The following MMEL1 variants were observed in gnomAD, a reference collection of about 807,000 sequenced individuals.
MMEL1 encodes membrane metallo-endopeptidase-like 1.
In MMEL1, 98 loss-of-function variants were observed where a neutral mutation model predicts 117.1. The ratio of observed to expected loss-of-function variants is 0.84; its 90% CI spans 0.71 to 0.99. The LOEUF (loss-of-function observed/expected upper bound fraction) is 0.99. MMEL1 is among the 50% of genes least tolerant of loss of function. The pLI is 0.00. For synonymous variants in MMEL1, 390 were observed against 415.1 expected (o/e 0.94, Z 0.74); for missense variants, 1,014 against 1,049.1 (o/e 0.97, Z 0.46).
intron 8 of MMEL1, among the ~76,000 whole-genome samples, 179 bp downstream of exon 8, chr1:2,606,069 G>C (rs1160949694): frequency 1.3e-5 from 2 of 152,140 alleles, no homozygotes; most frequent in African/African-American, 4.8e-5. Context: ...AGGCCCAACA[G>C]AAACTCCAGC....
chr1:2,623,051 C>A (rs1645314297), intron 2 of MMEL1, among the ~76,000 whole-genome samples: 1 of 151,958 alleles, frequency 6.6e-6, no homozygotes, highest in African/African-American at 2.4e-5. Flanking sequence ...CACCTGTAGT[C>A]CCAGCTACTC....
At position 2,591,610 on chromosome 1, in the gene MMEL1, G is replaced by C. The variant is rs763441830; in HGVS notation, c.2187C>G (p.Pro729=). ...TCTTGATGGATTGGATGGCGAACTC[G>C]GGCCGGTAGGACCCGCACCACACCT... ...YAQVWCGSYR[P]EFAIQSIKTD... The change falls in exon 23 of 24, where the codon CCC becomes CCG. Residue 729 remains proline (P), a synonymous_variant. Transcript: ENST00000378412. The C allele has an allele frequency of 4.0e-5, 65 of 1,613,440 alleles. No individual in the cohort carries two copies. The Middle Eastern group carries it at 4.9e-4, about 12-fold the overall frequency.
intron 2 of MMEL1, among the ~76,000 whole-genome samples, chr1:2,626,810 A>G (rs901712038): frequency 6.6e-6 from 1 of 152,270 alleles, no homozygotes; most frequent in African/African-American, 2.4e-5. Context: ...TAGTTGAGGG[A>G]AAATAGAGGA....
At chr1:2,596,289 G>T (rs1417678569) in intron 14 of MMEL1, among the ~76,000 whole-genome samples, 182 bp from the exon 15 acceptor site, 2 of 152,126 alleles carry the variant, frequency 1.3e-5, no homozygotes, top group Admixed American at 6.5e-5. Flanking sequence ...CAACTTCAGG[G>T]TCCTCCCTGC....
chr1:2,606,317 G>A lies in MMEL1; in HGVS notation c.681C>T (p.Phe227=), dbSNP rs766941834. The A allele has an allele frequency of 8.7e-6, 14 of 1,612,796 alleles. No individual in the cohort carries two copies. Among genetic ancestry groups the A allele is most frequent in the East Asian group, 2.2e-5 (1 of 44,894 alleles). The change falls in exon 8 of 24, where the codon TTC becomes TTT. Residue 227 remains phenylalanine (F), a synonymous_variant. Transcript: ENST00000378412. ...AGAGGTCGATGAGGACGCGCCTGTT[G>A]AACTGTGAGTTCATCAGCGCCAGCT... is the stretch of plus-strand genomic sequence containing the variant. ...ERQLALMNSQ[F]NRRVLIDLFI...
In MMEL1 at chr1:2,629,401, C is replaced by G. The variant is rs756776750; in HGVS notation, c.84G>C (p.Gly28=). Residue 28 remains glycine (G), a synonymous_variant, in exon 2 of 24, where the codon GGG becomes GGC. Coordinates refer to ENST00000378412, the MANE Select transcript of MMEL1 (RefSeq NM_033467.4). Reference sequence around the variant, plus strand: ...TCACCAGCAGCAGCAGCAGCAGCAGCCCCCCCTCCAGGAACCCCGGGCGCT... The same window carrying G: ...TCACCAGCAGCAGCAGCAGCAGCAGGCCCCCCTCCAGGAACCCCGGGCGCT... ...GQKRPGFLEG[G]LLLLLLLVTA... 1.3e-6 allele frequency: 2 copies of G among 1,545,798 alleles called. No individual in the cohort carries two copies. The highest frequency in any genetic ancestry group is 2.0e-5 in the Admixed American group (1 of 50,936).
Position 2,612,005 on chromosome 1 carries a change from C to T in MMEL1, c.232+122G>A, listed in dbSNP as rs969811437. On this transcript the variant is annotated intron_variant, in intron 3 of 23. Transcript: ENST00000378412. The surrounding 1 kb of genome is among the most constrained non-coding windows in gnomAD (Gnocchi z 5.4). ...CCCTGCCACTGTCCTCTCCCCATGGCCCTCCTCCGGCACATGAGGGTTGGG... is the reference window on the plus strand; with the variant it reads ...CCCTGCCACTGTCCTCTCCCCATGGTCCTCCTCCGGCACATGAGGGTTGGG... The T allele has an allele frequency of 2.4e-6, 2 of 845,798 alleles. No individual in the cohort carries two copies. The highest frequency in any genetic ancestry group is 3.8e-6 in the Non-Finnish European group (2 of 520,968). 52.4% of individuals were successfully genotyped at this position (845,798 alleles called of 1,614,324 possible).
At chr1:2,608,133 GGGA>G (rs1278531196) in intron 6 of MMEL1, among the ~76,000 whole-genome samples, 2 of 152,120 alleles carry the variant, frequency 1.3e-5, no homozygotes, top group African/African-American at 4.8e-5. Context: ...TGTTTCCATG[GGGA>G]GGAGACAAGC....
At chr1:2,596,214 A>ACAGCT in intron 14 of MMEL1, 107 bp from the exon 15 acceptor site, 2 of 1,056,934 alleles carry the variant, frequency 1.9e-6, no homozygotes, top group Non-Finnish European at 2.9e-6. Flanking sequence ...GGCAAGGCCC[A>ACAGCT]GGGCTGCCCA....
intron 13 of MMEL1, among the ~76,000 whole-genome samples, chr1:2,597,596 A>T (rs1308822735): frequency 6.6e-6 from 1 of 150,778 alleles, no homozygotes; most frequent in Non-Finnish European, 1.5e-5. Context: ...CCCGCCCCCT[A>T]CTCAACTCAC....
intron 18 of MMEL1, 106 bp downstream of exon 18, chr1:2,594,279 C>T: frequency 3.3e-6 from 4 of 1,225,318 alleles, no homozygotes; most frequent in Non-Finnish European, 4.7e-6. Flanking sequence ...GTTCCAAGAA[C>T]AGGCTGGGGT....
Position 2,595,242 on chromosome 1 carries a change from G to C in MMEL1, c.1584+34C>G. On this transcript the variant is annotated intron_variant, in intron 16 of 23. Coordinates refer to ENST00000378412, the MANE Select transcript of MMEL1 (RefSeq NM_033467.4). The surrounding 1 kb of genome is among the most constrained non-coding windows in gnomAD (Gnocchi z 4.8). ...CAATCAGGGCCCATGTCCACGGTGT[G>C]GGGGGCAGTTTAGGGCTGGGGTTGG... 1 of 1,580,870 alleles carries C rather than the reference G, an allele frequency of 6.3e-7. No individual in the cohort carries two copies. The highest frequency in any genetic ancestry group is 8.7e-7 in the Non-Finnish European group (1 of 1,151,686).
intron 22 of MMEL1, 45 bp from the exon 23 acceptor site, chr1:2,591,678 G>T: frequency 7.0e-7 from 1 of 1,436,374 alleles, no homozygotes; most frequent in Non-Finnish European, 9.8e-7. Flanking sequence ...GTGGTGGGGT[G>T]GCCAGGAGGG....
intron 1 of MMEL1, among the ~76,000 whole-genome samples, chr1:2,630,466 GTGTGCA>G (rs1418378360): frequency 6.6e-6 from 1 of 152,130 alleles, no homozygotes; most frequent in Non-Finnish European, 1.5e-5. Flanking sequence ...GCGCTCTGGT[GTGTGCA>G]TGTGTGTGTG....
Position 2,617,405 on chromosome 1 carries a change from C to T in MMEL1, c.155-5201G>A, listed in dbSNP as rs570247438. On this transcript the variant is annotated intron_variant, in intron 2 of 23. Coordinates refer to ENST00000378412, the MANE Select transcript of MMEL1 (RefSeq NM_033467.4). ...TCGCGCCACTGCACTCCAGCCTGGG[C>T]GACAGAGAGAGACTCCGTCTCAAAA... Among the ~76,000 whole-genome samples, 12 of 122,794 alleles carry T rather than the reference C, an allele frequency of 9.8e-5. No individual in the cohort carries two copies. In the Admixed American group the frequency reaches 1.0e-3, roughly 11 times the overall value. 80.6% of individuals were successfully genotyped at this position (122,794 alleles called of 152,430 possible). A position where few individuals can be genotyped will look rare whatever the true frequency, so the allele number is the denominator to read the frequency against.
chr1:2,631,883 C>T (rs565934955), intron 1 of MMEL1, among the ~76,000 whole-genome samples: 1 of 152,340 alleles, frequency 6.6e-6, no homozygotes, highest in Non-Finnish European at 1.5e-5. Flanking sequence ...TCACCTCCCC[C>T]TGAGGGGTCT....
intron 1 of MMEL1, 86 bp from the exon 2 acceptor site, chr1:2,629,607 G>A: frequency 8.1e-7 from 1 of 1,235,220 alleles, no homozygotes; most frequent in South Asian, 1.7e-5. Flanking sequence ...ATGCTGGCTG[G>A]GAGCGGGCGC....
At chr1:2,627,083 T>C (rs779107017) in intron 2 of MMEL1, among the ~76,000 whole-genome samples, 15 of 152,374 alleles carry the variant, frequency 9.8e-5, no homozygotes, top group East Asian at 3.9e-4. Context: ...CTAGTACTCA[T>C]GTCAGGCTCA....
chr1:2,591,095 G>C lies in MMEL1; in HGVS notation c.2241-6C>G. 1 of 1,552,786 alleles carries C rather than the reference G, an allele frequency of 6.4e-7. No homozygotes were observed. Reference sequence around the variant, plus strand: ...TCTGCAGCGACCCCAGTACCCTGTGGGTGGGTGGGTGTGACAGCAGGAGCA... The same window carrying C: ...TCTGCAGCGACCCCAGTACCCTGTGCGTGGGTGGGTGTGACAGCAGGAGCA... On this transcript the variant is annotated splice_region_variant and splice_polypyrimidine_tract_variant and intron_variant, in intron 23 of 23. Coordinates refer to ENST00000378412, the MANE Select transcript of MMEL1 (RefSeq NM_033467.4).
Sources: gnomAD v4.1 joint callset for allele counts (sites outside exome capture counted in the v4.1 genomes callset) on GRCh38, gnomAD v4.1.1 for gene constraint, Gnocchi (gnomAD v3.1) non-coding constraint, MANE v1.5 for transcripts, NCBI Gene and HGNC (gene_info 2026-07-23, HGNC 2026-07-21) for gene names.